The following BPNT2 variants were observed in gnomAD, a reference collection of about 807,000 sequenced individuals.
BPNT2 encodes 3'(2'), 5'-bisphosphate nucleotidase 2, also known as Golgi-resident adenosine 3',5'-bisphosphate 3'-phosphatase.
BPNT2 carries 11 observed loss-of-function variants against 29.3 expected under a neutral mutation model. That is an observed-to-expected ratio of 0.38 (90% confidence interval 0.24 to 0.62). BPNT2 has a LOEUF of 0.62. BPNT2 is among the 20% of genes least tolerant of loss of function. The pLI is 0.62. For synonymous variants in BPNT2, 195 were observed against 187.7 expected, an observed-to-expected ratio of 1.04 and a Z score of -0.32; for missense variants, 459 against 473.4, an observed-to-expected ratio of 0.97 and a Z score of 0.28.
chr8:56,985,835 G>A (rs1340148451), intron 1 of BPNT2, among the ~76,000 whole-genome samples: 1 of 152,168 alleles, frequency 6.6e-6, no homozygotes, highest in Admixed American at 6.5e-5. Flanking sequence ...AGGCAAATGA[G>A]AGTGATTCTG....
rs1280075379 is a variant in BPNT2 at position 56,961,025 on chromosome 8, T to C, written c.*2768A>G. The C allele has an allele frequency of 1.3e-5, 2 of 152,066 alleles. No homozygotes were observed. Among genetic ancestry groups the C allele is most frequent in the Admixed American group, 1.3e-4 (2 of 15,278 alleles). The allele number at this position is 152,066 out of a possible 1,614,324, so 9.4% of individuals were successfully genotyped here. A position where few individuals can be genotyped will look rare whatever the true frequency, so the allele number is the denominator to read the frequency against. ...AGAAAAGCAGAGATAAAGGAGAACA[T>C]GAACCGGTAAGGGAAATGGTCACAA... is the stretch of plus-strand genomic sequence containing the variant. On this transcript the variant is annotated 3_prime_UTR_variant, in exon 5 of 5. Transcript: ENST00000262644.
chr8:56,969,430 G>A (rs901694217), intron 3 of BPNT2, among the ~76,000 whole-genome samples: 1 of 152,152 alleles, frequency 6.6e-6, no homozygotes, highest in Non-Finnish European at 1.5e-5. Flanking sequence ...GGTTACCATT[G>A]AACAAATTTA....
chr8:56,963,794 C>T lies in BPNT2; in HGVS notation c.1079G>A (p.Ter360=). 1 of 1,614,030 alleles carries T rather than the reference C, an allele frequency of 6.2e-7. No homozygotes were observed. The highest frequency in any genetic ancestry group is 1.1e-5 in the South Asian group (1 of 91,082). The change falls in exon 5 of 5, where the codon TGA becomes TAA. Residue 360 remains the stop codon, a stop_retained_variant. Transcript: ENST00000262644. ...LPDLEKTGHK[*] ...ACTGTACCCTGTAATCAGTTATGCT[C>T]ATTTATGTCCTGTCTTTTCTAGATC...
At chr8:56,985,145 C>T (rs372841044) in intron 1 of BPNT2, among the ~76,000 whole-genome samples, 9 of 151,960 alleles carry the variant, frequency 5.9e-5, no homozygotes, top group Admixed American at 4.6e-4. Context: ...TCAGAAACCA[C>T]GTTACTTGTT....
intron 4 of BPNT2, among the ~76,000 whole-genome samples, chr8:56,965,298 G>A (rs1244007263): frequency 3.3e-5 from 5 of 152,152 alleles, no homozygotes; most frequent in African/African-American, 1.2e-4. Flanking sequence ...CAGCCTGGGA[G>A]ACAGAATGAG....
intron 3 of BPNT2, among the ~76,000 whole-genome samples, chr8:56,977,309 T>C (rs1806157586): frequency 6.6e-6 from 1 of 152,094 alleles, no homozygotes; most frequent in Admixed American, 6.5e-5. Context: ...CTGGAGGCTT[T>C]GAGGGAAAAT....
In BPNT2 at chr8:56,959,034, G is replaced by C. The variant is rs574672654; in HGVS notation, c.*4759C>G. ...TCATTCCTGAACAAAAATTTACTGT[G>C]TGTATAACATACACCTCAAAATGAA... On this transcript the variant is annotated 3_prime_UTR_variant, in exon 5 of 5. Transcript: ENST00000262644. 3.3e-5 allele frequency: 5 copies of C among 152,270 alleles called. No individual in the cohort carries two copies. Among genetic ancestry groups the C allele is most frequent in the African/African-American group, 1.2e-4 (5 of 41,552 alleles). 9.4% of individuals were successfully genotyped at this position (152,270 alleles called of 1,614,324 possible). A position where few individuals can be genotyped will look rare whatever the true frequency, so the allele number is the denominator to read the frequency against.
At chr8:56,965,604 A>C (rs1805931130) in intron 4 of BPNT2, among the ~76,000 whole-genome samples, 1 of 152,184 alleles carries the variant, frequency 6.6e-6, no homozygotes, top group African/African-American at 2.4e-5. Flanking sequence ...TGCAACAGAG[A>C]CTGTATATAT....
At chr8:56,977,800 T>C (rs1340063223) in intron 3 of BPNT2, among the ~76,000 whole-genome samples, 2 of 152,094 alleles carry the variant, frequency 1.3e-5, no homozygotes, top group African/African-American at 4.8e-5. Flanking sequence ...TGCTGGCAAA[T>C]TGCCAGAAGC....
chr8:56,980,889 ATATAT>A (rs983785690), intron 1 of BPNT2, among the ~76,000 whole-genome samples: 29 of 150,294 alleles, frequency 1.9e-4, no homozygotes, highest in South Asian at 1.7e-3. Flanking sequence ...TCTGTATAAT[ATATAT>A]TATATATTAT....
intron 2 of BPNT2, among the ~76,000 whole-genome samples, chr8:56,979,518 C>T (rs1806204956): frequency 6.6e-6 from 1 of 152,088 alleles, no homozygotes; most frequent in Non-Finnish European, 1.5e-5. Context: ...AAGTTCAGTG[C>T]AAAAGCACTG....
Position 56,963,399 on chromosome 8 carries a change from T to C in BPNT2, c.*394A>G, listed in dbSNP as rs1163907744. On this transcript the variant is annotated 3_prime_UTR_variant, in exon 5 of 5. Coordinates refer to ENST00000262644, the MANE Select transcript of BPNT2 (RefSeq NM_017813.5). Reference sequence around the variant, plus strand: ...AATGAGATATAGTTGTAAAGTTATATTAAACATCTACACAAAAATCAATCT... The same window carrying C: ...AATGAGATATAGTTGTAAAGTTATACTAAACATCTACACAAAAATCAATCT... 1 of 177,702 alleles carries C rather than the reference T, an allele frequency of 5.6e-6. No individual in the cohort carries two copies. Among genetic ancestry groups the C allele is most frequent in the Non-Finnish European group, 1.2e-5 (1 of 83,714 alleles). The allele number at this position is 177,702 out of a possible 1,614,324, so 11.0% of individuals were successfully genotyped here.
intron 1 of BPNT2, 62 bp from the exon 2 acceptor site, chr8:56,980,259 A>G (rs947535406): frequency 4.5e-6 from 6 of 1,343,326 alleles, no homozygotes; most frequent in African/African-American, 1.4e-5. Context: ...TTGATAAACT[A>G]CAAAAGTATT....
At chr8:56,965,128 TG>T (rs917090900) in intron 4 of BPNT2, among the ~76,000 whole-genome samples, 4 of 152,136 alleles carry the variant, frequency 2.6e-5, no homozygotes, top group Non-Finnish European at 4.4e-5. Flanking sequence ...AAGACCAGCC[TG>T]GGCAACGTGG....
chr8:56,972,324 A>C (rs1036845183), intron 3 of BPNT2, among the ~76,000 whole-genome samples: 4 of 152,252 alleles, frequency 2.6e-5, no homozygotes, highest in Admixed American at 6.5e-5. Context: ...AAAAATCATG[A>C]CATTACAAGA....
intron 1 of BPNT2, among the ~76,000 whole-genome samples, chr8:56,987,731 CTTTTTT>C (rs35492743): frequency 7.1e-6 from 1 of 140,116 alleles, no homozygotes; most frequent in African/African-American, 2.6e-5. Flanking sequence ...TAACTATTTT[CTTTTTT>C]TTTTTTTTTG....
intron 1 of BPNT2, among the ~76,000 whole-genome samples, chr8:56,985,248 AACCAAAGTAGG>A (rs1806310509): frequency 6.6e-6 from 1 of 152,030 alleles, no homozygotes; most frequent in Non-Finnish European, 1.5e-5. Flanking sequence ...CCATTGTCTA[AACCAAAGTAGG>A]TACTCAATAA....
chr8:56,969,762 AATTTAACTTAAAATAAC>A (rs1260425919), intron 3 of BPNT2, among the ~76,000 whole-genome samples: 1 of 152,188 alleles, frequency 6.6e-6, no homozygotes, highest in African/African-American at 2.4e-5. Flanking sequence ...AAAAAGAACA[AATTTAACTTAAAATAAC>A]AGTAGTTGTC....
At chr8:56,967,371 C>T (rs889272038) in intron 3 of BPNT2, among the ~76,000 whole-genome samples, 4 of 152,128 alleles carry the variant, frequency 2.6e-5, no homozygotes, top group African/African-American at 9.7e-5. Flanking sequence ...TCTGTACCTA[C>T]AGAGTAAGTA....
Sources: allele counts gnomAD v4.1 joint callset (sites outside exome capture counted in the v4.1 genomes callset), GRCh38; gene constraint gnomAD v4.1.1; transcripts MANE v1.5; gene names NCBI Gene and HGNC (gene_info 2026-07-23, HGNC 2026-07-21).